DMAP1: variants seen among roughly 807,000 people sequenced by gnomAD.
The protein encoded by DMAP1 is DNA methyltransferase 1-associated protein 1.
DMAP1 carries 26 observed loss-of-function variants against 52.7 expected under a neutral mutation model. The ratio of observed to expected loss-of-function variants is 0.49; its 90% CI spans 0.36 to 0.68. The LOEUF is 0.68. Among genes scored for constraint, DMAP1 ranks in the 30% least tolerant of loss-of-function variants. The pLI is 0.00. For missense variants in DMAP1, 439 were observed against 625.2 expected (o/e 0.70, Z 3.18); for synonymous variants, 231 against 246.0 (o/e 0.94, Z 0.57).
At position 44,218,394 on chromosome 1, in the gene DMAP1, C is replaced by T. The variant is rs142415325; in HGVS notation, c.477C>T (p.His159=). 2.4e-4 allele frequency: 389 copies of T among 1,614,116 alleles called. No individual in the cohort carries two copies. Among genetic ancestry groups the T allele is most frequent in the Non-Finnish European group, 3.2e-4 (375 of 1,180,050 alleles). ...CTTGGACTAAGGCAGAAACTGACCA[C>T]CTCTTTGACCTCAGCCGCCGCTTTG... ...DDAWTKAETD[H]LFDLSRRFDL... The change falls in exon 4 of 10, where the codon CAC becomes CAT. Residue 159 remains histidine, a synonymous_variant. Coordinates refer to ENST00000372289, the MANE Select transcript of DMAP1 (RefSeq NM_019100.5). The surrounding 1 kb of genome is among the most constrained non-coding windows in gnomAD (Gnocchi z 5.6).
At position 44,218,299 on chromosome 1, in the gene DMAP1, C is replaced by T. The variant is rs371599213; in HGVS notation, c.394-12C>T. On this transcript the variant is annotated splice_polypyrimidine_tract_variant and intron_variant, in intron 3 of 9. Transcript: ENST00000372289. This position sits in a 1 kb window ranked among gnomAD's most constrained non-coding sequence, Gnocchi z 5.6. The stretch of plus-strand genomic sequence containing the variant: ...GCGGGCATGCCCCTACTGTGTCCCT[C>T]TGTGCTAGTAGACTGTGCAGGTGCC... The T allele has an allele frequency of 1.2e-5, 19 of 1,614,126 alleles. No homozygotes were observed. In the Admixed American group the frequency reaches 1.8e-4, roughly 16 times the overall value.
intron 2 of DMAP1, 67 bp from the exon 3 acceptor site, chr1:44,214,636 T>A: frequency 1.9e-6 from 3 of 1,613,478 alleles, no homozygotes; most frequent in Non-Finnish European, 2.5e-6. Flanking sequence ...ATCAGCTCCC[T>A]GGGACAAAAA....
In DMAP1 at chr1:44,213,799, C is replaced by G. The variant is rs1316219346; in HGVS notation, c.46C>G (p.Pro16Ala). The stretch of plus-strand genomic sequence containing the variant: ...ACGGGACATTCTAGAACTCGGGGGT[C>G]CAGAAGGGGATGCAGCCTCTGGGAC... Reference protein sequence around the residue: ...DVRDILELGGPEGDAASGTIS... With the variant: ...DVRDILELGGAEGDAASGTIS... The change falls in exon 1 of 10, where the codon CCA (proline) becomes GCA (alanine). Residue 16 changes from proline (P) to alanine (A), a missense_variant. By Grantham distance (27) the Pro-to-Ala change is conservative. Coordinates refer to ENST00000372289, the MANE Select transcript of DMAP1 (RefSeq NM_019100.5). This position sits in a 1 kb window ranked among gnomAD's most constrained non-coding sequence, Gnocchi z 4.5. 3 of 1,595,872 alleles carry G rather than the reference C, an allele frequency of 1.9e-6. No homozygotes were observed. Among genetic ancestry groups the G allele is most frequent in the African/African-American group, 1.3e-5 (1 of 74,462 alleles).
At chr1:44,214,310 G>A (rs777170200) in intron 1 of DMAP1, 40 bp from the exon 2 acceptor site, 1 of 1,585,940 alleles carries the variant, frequency 6.3e-7, no homozygotes, top group Admixed American at 1.7e-5. Context: ...TTCAGGAAAG[G>A]GTCTAGGTTG....
rs771598819 is a variant in DMAP1, at chr1:44,214,991, G to C, written c.393+93G>C. On this transcript the variant is annotated intron_variant, in intron 3 of 9. Coordinates refer to ENST00000372289, the MANE Select transcript of DMAP1 (RefSeq NM_019100.5). Reference sequence around the variant, plus strand: ...CCAGTCTCCTAGGGTTGGTTCTGGGGGCACGCTTATGCCCAACTGTGATTA... The same window carrying C: ...CCAGTCTCCTAGGGTTGGTTCTGGGCGCACGCTTATGCCCAACTGTGATTA... The C allele has an allele frequency of 2.0e-6, 3 of 1,471,126 alleles. No individual in the cohort carries two copies. The African/African-American group carries it at 4.2e-5, about 20-fold the overall frequency. 91.1% of individuals were successfully genotyped at this position (1,471,126 alleles called of 1,614,324 possible).
intron 9 of DMAP1, 28 bp downstream of exon 9, chr1:44,220,337 C>A: frequency 3.3e-6 from 5 of 1,530,272 alleles, no homozygotes; most frequent in East Asian, 2.3e-5. Context: ...CTGGGAGGCA[C>A]GCCTGGGCCC....
chr1:44,215,400 T>A (rs1643770829), intron 3 of DMAP1: 1 of 449,616 alleles, frequency 2.2e-6, no homozygotes, highest in African/African-American at 2.0e-5. Flanking sequence ...GGCACTATCT[T>A]CCACCCAGTT....
chr1:44,218,179 T>TCA lies in DMAP1; in HGVS notation c.394-130_394-129dup. ...CTAGTCAAGCAGACAAGTTCTTTCC[T>TCA]CACTCCATGCTGCAGGGGCACAGGC... On this transcript the variant is annotated intron_variant, in intron 3 of 9. Transcript: ENST00000372289. The surrounding 1 kb of genome is among the most constrained non-coding windows in gnomAD (Gnocchi z 5.6). 1 of 1,224,842 alleles carries TCA rather than the reference T, an allele frequency of 8.2e-7. No individual in the cohort carries two copies. The highest frequency in any genetic ancestry group is 1.2e-6 in the Non-Finnish European group (1 of 828,910). 75.9% of individuals were successfully genotyped at this position (1,224,842 alleles called of 1,614,324 possible). A position where few individuals can be genotyped will look rare whatever the true frequency, so the allele number is the denominator to read the frequency against.
chr1:44,219,922 C>G (rs1455516365), intron 8 of DMAP1, 44 bp downstream of exon 8: 2 of 1,613,542 alleles, frequency 1.2e-6, no homozygotes, highest in South Asian at 1.1e-5. Context: ...CCACCCGAGG[C>G]TGTGGATATA....
intron 5 of DMAP1, 36 bp from the exon 6 acceptor site, chr1:44,219,020 G>A: frequency 6.2e-7 from 1 of 1,610,488 alleles, no homozygotes; most frequent in South Asian, 1.1e-5. Context: ...ACTCCTAGAA[G>A]TGCCCTCACA....
In DMAP1 at chr1:44,218,702, G is replaced by A. The variant is rs1012570208; in HGVS notation, c.667G>A (p.Glu223Lys). The A allele has an allele frequency of 2.5e-6, 4 of 1,613,636 alleles. No individual in the cohort carries two copies. Among genetic ancestry groups the A allele is most frequent in the African/African-American group, 2.7e-5 (2 of 74,882 alleles). Residue 223 changes from glutamate (E) to lysine (K), a missense_variant, in exon 5 of 10, where the codon GAA (glutamate) becomes AAA (lysine). Transcript: ENST00000372289. This position sits in a 1 kb window ranked among gnomAD's most constrained non-coding sequence, Gnocchi z 5.6. ...LKIPVFDAGHERRRKEQLERL... is the reference protein window; with the variant it reads ...LKIPVFDAGHKRRRKEQLERL... ...GATACCAGTATTTGATGCTGGGCAC[G>A]AACGACGGCGGAAGGAACAGCTTGA...
chr1:44,214,133 C>T (rs1393130794), intron 1 of DMAP1, among the ~76,000 whole-genome samples: 2 of 152,188 alleles, frequency 1.3e-5, no homozygotes, highest in South Asian at 4.1e-4. Context: ...GAGATCAAGA[C>T]ATTGTAACAG....
Position 44,219,409 on chromosome 1 carries a change from G to A in DMAP1, c.910G>A (p.Val304Ile). Residue 304 changes from valine to isoleucine, a missense_variant, in exon 7 of 10, where the codon GTT (valine) becomes ATT (isoleucine). Coordinates refer to ENST00000372289, the MANE Select transcript of DMAP1 (RefSeq NM_019100.5). ...PQKKEAEKPA[V>I]PETAGIKFPD... ...TCCATAATGCCTTCTCCCCCAGGCT[G>A]TTCCTGAGACTGCAGGCATCAAGTT... The A allele has an allele frequency of 6.3e-7, 1 of 1,585,998 alleles. No homozygotes were observed. The highest frequency in any genetic ancestry group is 8.6e-7 in the Non-Finnish European group (1 of 1,169,152).
intron 2 of DMAP1, 83 bp downstream of exon 2, chr1:44,214,524 T>C (rs1318077017): frequency 6.2e-7 from 1 of 1,613,124 alleles, no homozygotes; most frequent in Non-Finnish European, 8.5e-7. Flanking sequence ...TCTCTAACAA[T>C]TTTCTCCTCC....
chr1:44,219,245 C>A lies in DMAP1; in HGVS notation c.906+4C>A. 1 of 1,611,542 alleles carries A rather than the reference C, an allele frequency of 6.2e-7. No individual in the cohort carries two copies. The highest frequency in any genetic ancestry group is 8.5e-7 in the Non-Finnish European group (1 of 1,179,168). On this transcript the variant is annotated splice_donor_region_variant and intron_variant, in intron 6 of 9. Coordinates refer to ENST00000372289, the MANE Select transcript of DMAP1 (RefSeq NM_019100.5). ...GAAAAAGGAGGCTGAGAAGCCGGTGCGGAGGTTCCGCCAGCCTAGCTCAGG... is the reference window on the plus strand; with the variant it reads ...GAAAAAGGAGGCTGAGAAGCCGGTGAGGAGGTTCCGCCAGCCTAGCTCAGG...
intron 3 of DMAP1, chr1:44,215,363 C>T (rs1268486224): frequency 4.4e-6 from 2 of 456,122 alleles, no homozygotes; most frequent in African/African-American, 2.0e-5. Flanking sequence ...TCTGTCAGTC[C>T]CAAATCTGTT....
chr1:44,216,178 T>G (rs1257381770), intron 3 of DMAP1: 1 of 152,124 alleles, frequency 6.6e-6, no homozygotes, highest in African/African-American at 2.4e-5. Flanking sequence ...AATGTCTTCC[T>G]CACTTGACTA....
chr1:44,217,986 C>T (rs1643828298), intron 3 of DMAP1: 2 of 440,110 alleles, frequency 4.5e-6, no homozygotes, highest in Non-Finnish European at 8.5e-6. Flanking sequence ...CTGTCCTACT[C>T]CAGAGTTGAC....
chr1:44,216,458 A>T (rs1324830334), intron 3 of DMAP1: 1 of 152,036 alleles, frequency 6.6e-6, no homozygotes, highest in East Asian at 1.9e-4. Context: ...TCAAACTCTT[A>T]GGCTCAAGTG....
Sources: allele counts gnomAD v4.1 joint callset (sites outside exome capture counted in the v4.1 genomes callset), GRCh38; gene constraint gnomAD v4.1.1; non-coding constraint Gnocchi (gnomAD v3.1); transcripts MANE v1.5; gene names NCBI Gene and HGNC (gene_info 2026-07-23, HGNC 2026-07-21).